AP4S1: variants seen among roughly 807,000 people sequenced by gnomAD.
The protein encoded by AP4S1 is AP-4 complex subunit sigma-1.
In AP4S1, 23 loss-of-function variants were observed where a neutral mutation model predicts 19.8. That is an observed-to-expected ratio of 1.16 (90% CI 0.84 to 1.65). AP4S1 has a LOEUF of 1.65. Ranked by LOEUF, AP4S1 falls within the 40% of genes most tolerant of loss-of-function variation. The pLI is 0.00. For missense variants in AP4S1, 166 were observed against 172.8 expected (o/e 0.96, Z 0.22); for synonymous variants, 46 against 54.1 (o/e 0.85, Z 0.66).
chr14:31,032,691 A>T (rs1884474738), intron 1 of AP4S1, among the ~76,000 whole-genome samples: 1 of 152,010 alleles, frequency 6.6e-6, no homozygotes, highest in African/African-American at 2.4e-5. Context: ...ATGTGCCACC[A>T]TGACCGGCTA....
At chr14:31,067,505 G>T (rs1390915189) in intron 2 of AP4S1, among the ~76,000 whole-genome samples, 3 of 138,208 alleles carry the variant, frequency 2.2e-5, no homozygotes, top group African/African-American at 8.0e-5. Context: ...TCCCACCTAT[G>T]AGTGAGAACA....
At chr14:31,042,450 A>G (rs1885163364) in intron 1 of AP4S1, among the ~76,000 whole-genome samples, 1 of 152,062 alleles carries the variant, frequency 6.6e-6, no homozygotes. Flanking sequence ...TACCTCCTCT[A>G]CCATCAGGGA....
intron 5 of AP4S1, among the ~76,000 whole-genome samples, chr14:31,089,027 C>T (rs113948960): frequency 0.037 from 5,646 of 151,412 alleles, 361 homozygotes; most frequent in African/African-American, 0.13. Context: ...ATGGGCGTGG[C>T]AGCGCACCTG....
At chr14:31,064,001 G>A (rs1443414973) in intron 1 of AP4S1, among the ~76,000 whole-genome samples, 1 of 152,152 alleles carries the variant, frequency 6.6e-6, no homozygotes, top group African/African-American at 2.4e-5. Context: ...CAGCTCTGGT[G>A]GTCATGATGA....
intron 3 of AP4S1, among the ~76,000 whole-genome samples, chr14:31,072,249 T>A (rs921186784): frequency 2.0e-5 from 3 of 152,226 alleles, no homozygotes; most frequent in South Asian, 4.1e-4. Context: ...CCTATTTTTT[T>A]ATTTTTTGTA....
chr14:31,057,735 C>T (rs1886199803), intron 1 of AP4S1, among the ~76,000 whole-genome samples: 1 of 151,894 alleles, frequency 6.6e-6, no homozygotes, highest in South Asian at 2.1e-4. Flanking sequence ...AAGTGATTCT[C>T]CTGCCTTAGC....
Position 31,066,185 on chromosome 14 carries a change from C to T in AP4S1, c.-12C>T. The stretch of plus-strand genomic sequence containing the variant: ...GAACTGTATTTGGAAAAATACTGGC[C>T]AGGAAAGAAAAATGATAAAATTTTT... On this transcript the variant is annotated 5_prime_UTR_variant, in exon 2 of 6. Transcript: ENST00000542754. 6.2e-7 allele frequency: 1 copy of T among 1,613,474 alleles called. No individual in the cohort carries two copies. The highest frequency in any genetic ancestry group is 8.5e-7 in the Non-Finnish European group (1 of 1,179,872).
At chr14:31,049,339 G>A (rs1283704208) in intron 1 of AP4S1, among the ~76,000 whole-genome samples, 6 of 147,120 alleles carry the variant, frequency 4.1e-5, no homozygotes, top group Non-Finnish European at 6.0e-5. Flanking sequence ...GTGTGAACCC[G>A]GGAGGCAGAG....
chr14:31,036,012 G>C (rs543961157), intron 1 of AP4S1, among the ~76,000 whole-genome samples: 1 of 152,026 alleles, frequency 6.6e-6, no homozygotes, highest in African/African-American at 2.4e-5. Flanking sequence ...TTACAGGCGT[G>C]AGCCACCGTG....
intron 1 of AP4S1, among the ~76,000 whole-genome samples, chr14:31,051,850 G>A (rs1340528925): frequency 6.6e-6 from 1 of 152,060 alleles, no homozygotes. Flanking sequence ...TAGTAGAGCC[G>A]GGGTTTAGCC....
chr14:31,086,650 A>G (rs923436475), intron 5 of AP4S1, among the ~76,000 whole-genome samples: 5 of 152,094 alleles, frequency 3.3e-5, no homozygotes, highest in African/African-American at 1.2e-4. Flanking sequence ...TTCCGACTTC[A>G]GGTGATCCGC....
At chr14:31,083,023 A>C (rs1271383117) in intron 5 of AP4S1, among the ~76,000 whole-genome samples, 2 of 152,216 alleles carry the variant, frequency 1.3e-5, no homozygotes, top group Non-Finnish European at 2.9e-5. Context: ...TTACAAGACT[A>C]GATATTGAGA....
chr14:31,055,719 C>G (rs995942394), intron 1 of AP4S1, among the ~76,000 whole-genome samples: 1 of 44,054 alleles, frequency 2.3e-5, no homozygotes, highest in East Asian at 3.5e-4. Flanking sequence ...TCTGATATTA[C>G]CTTAGTGTTT....
At chr14:31,050,765 C>A (rs576451834) in intron 1 of AP4S1, among the ~76,000 whole-genome samples, 1 of 152,284 alleles carries the variant, frequency 6.6e-6, no homozygotes, top group East Asian at 1.9e-4. Context: ...ATTTTGTTCA[C>A]ATTTCACCAG....
intron 1 of AP4S1, among the ~76,000 whole-genome samples, chr14:31,036,780 G>A (rs971111740): frequency 7.9e-5 from 12 of 152,098 alleles, no homozygotes; most frequent in African/African-American, 2.4e-4. Context: ...AGTGATTTCT[G>A]GGTTTCTTGG....
At chr14:31,052,044 G>A (rs1315837365) in intron 1 of AP4S1, among the ~76,000 whole-genome samples, 1 of 152,186 alleles carries the variant, frequency 6.6e-6, no homozygotes, top group African/African-American at 2.4e-5. Flanking sequence ...GCCAACGCAG[G>A]AGGATTACTT....
At chr14:31,049,083 T>C (rs1307567074) in intron 1 of AP4S1, among the ~76,000 whole-genome samples, 2 of 149,664 alleles carry the variant, frequency 1.3e-5, no homozygotes, top group Non-Finnish European at 3.0e-5. Context: ...ACCCCATCTC[T>C]ACAAAAAAAA....
intron 4 of AP4S1, among the ~76,000 whole-genome samples, chr14:31,076,879 CT>C (rs1477869375): frequency 2.6e-5 from 4 of 152,290 alleles, no homozygotes; most frequent in African/African-American, 9.6e-5. Context: ...ATAGGCCTTC[CT>C]GAGCTTTAGT....
chr14:31,067,236 G>T (rs1471279225), intron 2 of AP4S1, among the ~76,000 whole-genome samples: 1 of 150,868 alleles, frequency 6.6e-6, no homozygotes, highest in Non-Finnish European at 1.5e-5. Flanking sequence ...GGTTAAATAG[G>T]AATTTTTAAA....
Sources: gnomAD v4.1 joint callset for allele counts (sites outside exome capture counted in the v4.1 genomes callset) on GRCh38, gnomAD v4.1.1 for gene constraint, MANE v1.5 for transcripts, NCBI Gene and HGNC (gene_info 2026-07-23, HGNC 2026-07-21) for gene names.